The following FHL1 variants were observed in gnomAD, a reference collection of about 807,000 sequenced individuals.
FHL1 encodes the protein four and a half LIM domains protein 1.
FHL1 carries 1 observed loss-of-function variant against 20.3 expected under a neutral mutation model. The ratio of observed to expected loss-of-function variants is 0.05; its 90% CI spans 0.02 to 0.23. The LOEUF (loss-of-function observed/expected upper bound fraction) is 0.23. Ranked by LOEUF, FHL1 falls within the 10% of genes least tolerant of loss-of-function variation. FHL1 has a pLI of 1.00. For missense variants in FHL1, 177 were observed against 234.0 expected, an observed-to-expected ratio of 0.76 and a Z score of 1.59; for synonymous variants, 82 against 88.9, an observed-to-expected ratio of 0.92 and a Z score of 0.44.
upstream of FHL1, among the ~76,000 whole-genome samples, chrX:136,165,617 A>C (rs2072690584): frequency 8.9e-6 from 1 of 112,341 alleles, no homozygotes; most frequent in Non-Finnish European, 1.9e-5. Context: ...TCACATTCAA[A>C]GAATTGAGAG....
At chrX:136,162,798 G>A (rs2072608603) in intron 1 of FHL1, among the ~76,000 whole-genome samples, 1 of 111,912 alleles carries the variant, frequency 8.9e-6, no homozygotes, top group Admixed American at 9.5e-5. Context: ...GATTCATCTG[G>A]GGGAACTTTG....
intron 2 of FHL1, among the ~76,000 whole-genome samples, chrX:136,190,735 T>C (rs769541160): frequency 2.7e-5 from 3 of 111,762 alleles, no homozygotes; most frequent in African/African-American, 9.7e-5. Flanking sequence ...AAGGTTTACA[T>C]TGTCATGAGT....
intron 2 of FHL1, among the ~76,000 whole-genome samples, chrX:136,179,376 C>T (rs1412835625): frequency 3.6e-5 from 4 of 111,895 alleles, no homozygotes; most frequent in African/African-American, 9.7e-5. Flanking sequence ...CCAGCTCTGC[C>T]GTTTGAACTG....
intron 2 of FHL1, among the ~76,000 whole-genome samples, chrX:136,190,210 C>T (rs1280764452): frequency 2.7e-5 from 3 of 111,679 alleles, no homozygotes; most frequent in Non-Finnish European, 1.9e-5. Flanking sequence ...TGCAGACTCT[C>T]CTTGCGTTCT....
intron 1 of FHL1, among the ~76,000 whole-genome samples, chrX:136,197,532 G>T (rs1359034340): frequency 8.9e-6 from 1 of 111,950 alleles, no homozygotes; most frequent in East Asian, 2.8e-4. Context: ...AAGGTAAATC[G>T]AATGTGGAGC....
intron 2 of FHL1, among the ~76,000 whole-genome samples, chrX:136,191,050 G>C (rs973154556): frequency 1.8e-5 from 2 of 111,638 alleles, no homozygotes; most frequent in African/African-American, 6.5e-5. Context: ...ACAGGTTGAC[G>C]AACAGGGAAG....
At chrX:136,202,327 T>C (rs2073732691) in intron 1 of FHL1, among the ~76,000 whole-genome samples, 1 of 112,180 alleles carries the variant, frequency 8.9e-6, no homozygotes, top group African/African-American at 3.2e-5. Flanking sequence ...ATAGCACCAC[T>C]GCACTTCAGC....
intron 2 of FHL1, among the ~76,000 whole-genome samples, 200 bp from the exon 3 acceptor site, chrX:136,206,816 C>G (rs2073853404): frequency 8.8e-6 from 1 of 113,128 alleles, no homozygotes; most frequent in Non-Finnish European, 1.9e-5. Flanking sequence ...TGATTGCATT[C>G]TAAATATTTC....
At chrX:136,207,704 C>A (rs1408461827) in intron 3 of FHL1, 88 bp from the exon 4 acceptor site, 2 of 1,035,819 alleles carry the variant, frequency 1.9e-6, no homozygotes, top group African/African-American at 1.8e-5. Flanking sequence ...CATCCCCTCA[C>A]CTCTGGAGGG....
intron 5 of FHL1, chrX:136,209,500 A>C: frequency 8.9e-7 from 1 of 1,120,121 alleles, no homozygotes; most frequent in Non-Finnish European, 1.2e-6. Flanking sequence ...CTTTGATGTC[A>C]TGGCCCTGAC....
Position 136,210,594 on chromosome X carries a change from C to A in FHL1, c.*569C>A. 2.6e-6 allele frequency: 1 copy of A among 390,405 alleles called. No individual in the cohort carries two copies. Among genetic ancestry groups the A allele is most frequent in the Non-Finnish European group, 4.8e-6 (1 of 207,309 alleles). 32.2% of individuals were successfully genotyped at this position (390,405 alleles called of 1,213,427 possible). On this transcript the variant is annotated 3_prime_UTR_variant, in exon 6 of 6. Coordinates refer to ENST00000370683, the MANE Select transcript of FHL1 (RefSeq NM_001159699.2). ...AACTTCCAGAAAATTAACATTTGAA[C>A]TTAGCTGTAATTCTAAACTGACCTT...
intron 2 of FHL1, among the ~76,000 whole-genome samples, chrX:136,181,798 C>G (rs1299346043): frequency 8.9e-6 from 1 of 112,307 alleles, no homozygotes; most frequent in African/African-American, 3.2e-5. Context: ...TTATCCCCAT[C>G]ATCAACAGGC....
At chrX:136,165,134 C>CT (rs757878125), upstream of FHL1, among the ~76,000 whole-genome samples, 1 of 111,753 alleles carries the variant, frequency 8.9e-6, no homozygotes, top group Non-Finnish European at 1.9e-5. Flanking sequence ...CAAAACTGGA[C>CT]TTTATTATAT....
upstream of FHL1, among the ~76,000 whole-genome samples, chrX:136,166,115 G>A (rs1438648932): frequency 8.9e-6 from 1 of 111,828 alleles, no homozygotes; most frequent in Non-Finnish European, 1.9e-5. Context: ...ACAGTTACAC[G>A]CTGCAGATTG....
At chrX:136,178,456 T>C (rs2073062209) in intron 2 of FHL1, among the ~76,000 whole-genome samples, 1 of 111,425 alleles carries the variant, frequency 9.0e-6, no homozygotes, top group Non-Finnish European at 1.9e-5. Flanking sequence ...TTAGGCTGGG[T>C]GCAGTGGCTC....
intron 5 of FHL1, 47 bp downstream of exon 5, chrX:136,208,688 A>T (rs1378125761): frequency 2.2e-5 from 24 of 1,115,484 alleles, no homozygotes; most frequent in Non-Finnish European, 3.0e-5. Flanking sequence ...GGTTTTGCGC[A>T]TGGTAACCAT....
chrX:136,155,630 C>T (rs954873968), intron 1 of FHL1, among the ~76,000 whole-genome samples: 5 of 110,501 alleles, frequency 4.5e-5, no homozygotes, highest in African/African-American at 1.6e-4. Context: ...CTAATGGATA[C>T]GTATATTGTC....
chrX:136,168,439 G>T (rs2072772001), upstream of FHL1, among the ~76,000 whole-genome samples: 1 of 111,744 alleles, frequency 8.9e-6, no homozygotes, highest in African/African-American at 3.3e-5. Flanking sequence ...ACCGGACAAA[G>T]AAAACCTAAC....
At chrX:136,196,934 A>C (rs1468207953), upstream of FHL1, 1 of 1,073,042 alleles carries the variant, frequency 9.3e-7, no homozygotes, top group African/African-American at 1.8e-5. Context: ...AAAATGGTTA[A>C]GAATTTTCTA....
Sources: allele counts gnomAD v4.1 joint callset (sites outside exome capture counted in the v4.1 genomes callset), GRCh38; gene constraint gnomAD v4.1.1; transcripts MANE v1.5; gene names NCBI Gene and HGNC (gene_info 2026-07-23, HGNC 2026-07-21).